The following GRIK4 variants were observed in gnomAD, a reference collection of about 807,000 sequenced individuals.
GRIK4 encodes glutamate ionotropic receptor kainate type subunit 4.
Under a neutral mutation model 104.9 loss-of-function variants are expected in GRIK4, and 40 were observed. The observed-to-expected ratio is 0.38, with a 90% CI of 0.30 to 0.50. The LOEUF is 0.50. Among genes scored for constraint, GRIK4 ranks in the 20% least tolerant of loss-of-function variants. The pLI, the probability that GRIK4 is intolerant of heterozygous loss-of-function variation, is 0.93. For synonymous variants in GRIK4, 485 were observed against 524.9 expected, an observed-to-expected ratio of 0.92 and a Z score of 1.04; for missense variants, 1,047 against 1,308.1, an observed-to-expected ratio of 0.80 and a Z score of 3.08.
At chr11:120,923,935 G>A (rs1416066071) in intron 13 of GRIK4, among the ~76,000 whole-genome samples, 1 of 152,166 alleles carries the variant, frequency 6.6e-6, no homozygotes, top group Non-Finnish European at 1.5e-5. Context: ...GGGCATCACT[G>A]TTGAATCTAG....
At chr11:120,962,773 C>T (rs1260980278) in intron 18 of GRIK4, 92 bp downstream of exon 18, 2 of 796,808 alleles carry the variant, frequency 2.5e-6, no homozygotes, top group Non-Finnish European at 4.2e-6. Flanking sequence ...AATCCAGTAC[C>T]CCCTGTTGTT....
chr11:120,933,138 G>T (rs574081646), intron 13 of GRIK4, among the ~76,000 whole-genome samples: 1 of 152,164 alleles, frequency 6.6e-6, no homozygotes. Context: ...ATAGACAGAC[G>T]GTCACACCAG....
intron 8 of GRIK4, among the ~76,000 whole-genome samples, chr11:120,841,946 A>C (rs987561416): frequency 3.9e-5 from 6 of 152,232 alleles, no homozygotes; most frequent in African/African-American, 1.4e-4. Flanking sequence ...GCTGATGAAT[A>C]AAAATCACAT....
At chr11:120,891,023 G>A (rs1449837921) in intron 11 of GRIK4, among the ~76,000 whole-genome samples, 1 of 152,212 alleles carries the variant, frequency 6.6e-6, no homozygotes, top group Admixed American at 6.5e-5. Context: ...GAAATCCCTC[G>A]AGGCTTTAAA....
At chr11:120,687,040 G>A (rs1433758968) in intron 3 of GRIK4, among the ~76,000 whole-genome samples, 1 of 152,192 alleles carries the variant, frequency 6.6e-6, no homozygotes, top group Non-Finnish European at 1.5e-5. Flanking sequence ...CAGAAGCACT[G>A]TTTTGAATTC....
Position 120,593,792 on chromosome 11 carries a change from C to T in GRIK4, c.-158-59893C>T, listed in dbSNP as rs148709659. Reference sequence around the variant, plus strand: ...AACCACTTTATTCCTCTTCCCAAATCTGTTTCTACCTCTTTCCCCATCTCA... The same window carrying T: ...AACCACTTTATTCCTCTTCCCAAATTTGTTTCTACCTCTTTCCCCATCTCA... On this transcript the variant is annotated intron_variant, in intron 1 of 20. Coordinates refer to ENST00000527524, the MANE Select transcript of GRIK4 (RefSeq NM_014619.5). 7.9e-5 allele frequency among the ~76,000 whole-genome samples: 12 copies of T among 152,272 alleles called. No individual in the cohort carries two copies. The East Asian group carries it at 2.3e-3, about 29-fold the overall frequency.
intron 3 of GRIK4, among the ~76,000 whole-genome samples, chr11:120,801,268 C>A (rs923981726): frequency 6.6e-6 from 1 of 152,200 alleles, no homozygotes; most frequent in Non-Finnish European, 1.5e-5. Flanking sequence ...CTCTGTCACC[C>A]AGGCTGGAGT....
At chr11:120,880,319 T>C (rs1489343893) in intron 11 of GRIK4, among the ~76,000 whole-genome samples, 4 of 152,232 alleles carry the variant, frequency 2.6e-5, no homozygotes, top group African/African-American at 9.6e-5. Flanking sequence ...TGATGTGCTG[T>C]GCTGAGTGGT....
intron 1 of GRIK4, among the ~76,000 whole-genome samples, chr11:120,626,617 C>T (rs1042357739): frequency 2.0e-5 from 3 of 152,120 alleles, no homozygotes; most frequent in Non-Finnish European, 2.9e-5. Context: ...CACCTTGATC[C>T]GTGCTTTCCC....
At chr11:120,804,125 G>A (rs1952671756) in intron 4 of GRIK4, among the ~76,000 whole-genome samples, 1 of 152,220 alleles carries the variant, frequency 6.6e-6, no homozygotes, top group Non-Finnish European at 1.5e-5. Context: ...CTCCAGTTCA[G>A]AGGGCAGGAG....
intron 16 of GRIK4, among the ~76,000 whole-genome samples, chr11:120,960,236 G>A (rs1437276026): frequency 6.6e-6 from 1 of 152,192 alleles, no homozygotes; most frequent in African/African-American, 2.4e-5. Context: ...GGCCGAGGCA[G>A]GAGAATCACT....
chr11:120,847,230 A>T (rs1953872087), intron 8 of GRIK4, among the ~76,000 whole-genome samples: 1 of 152,180 alleles, frequency 6.6e-6, no homozygotes, highest in Non-Finnish European at 1.5e-5. Flanking sequence ...TAGAGAGAGG[A>T]GGTCTCCTCA....
At chr11:120,680,082 C>T (rs1368799780) in intron 3 of GRIK4, among the ~76,000 whole-genome samples, 3 of 152,066 alleles carry the variant, frequency 2.0e-5, no homozygotes, top group Non-Finnish European at 4.4e-5. Context: ...TCTCTGATGG[C>T]CCTTTCTTTT....
chr11:120,824,240 A>G (rs144070978), intron 6 of GRIK4, among the ~76,000 whole-genome samples: 59 of 152,350 alleles, frequency 3.9e-4, no homozygotes, highest in African/African-American at 1.2e-3. Context: ...TTAATGGGAA[A>G]AAAAGAACAT....
At chr11:120,688,897 G>C (rs561895145) in intron 3 of GRIK4, among the ~76,000 whole-genome samples, 2 of 152,260 alleles carry the variant, frequency 1.3e-5, no homozygotes, top group African/African-American at 4.8e-5. Context: ...TGTGCAGAGA[G>C]CATTGTATGG....
At position 120,810,797 on chromosome 11, in the gene GRIK4, A is replaced by G. The variant is rs560378128; in HGVS notation, c.248-4581A>G. Among the ~76,000 whole-genome samples the G allele has an allele frequency of 3.3e-5, 5 of 152,330 alleles. No homozygotes were observed. The South Asian group carries it at 8.3e-4, about 25-fold the overall frequency. On this transcript the variant is annotated intron_variant, in intron 4 of 20. Coordinates refer to ENST00000527524, the MANE Select transcript of GRIK4 (RefSeq NM_014619.5). ...AGCCTAATTACTACCATAATCTTGA[A>G]GTAATAATGAATATAACTGGTATTT...
intron 3 of GRIK4, among the ~76,000 whole-genome samples, chr11:120,759,022 A>C (rs1951699174): frequency 6.6e-6 from 1 of 152,182 alleles, no homozygotes; most frequent in Non-Finnish European, 1.5e-5. Flanking sequence ...GTGTTACAAA[A>C]GAGAGAGTCA....
At chr11:120,954,812 CACACACACACACACACACAA>C (rs1485127047) in intron 15 of GRIK4, among the ~76,000 whole-genome samples, 74 of 76,872 alleles carry the variant, frequency 9.6e-4, no homozygotes, top group South Asian at 2.7e-3. Flanking sequence ...CACACACACA[CACACACACACACACACACAA>C]ACAATACTGG....
chr11:120,753,876 G>A lies in GRIK4; in HGVS notation c.83-48817G>A, dbSNP rs530426039. On this transcript the variant is annotated intron_variant, in intron 3 of 20. Coordinates refer to ENST00000527524, the MANE Select transcript of GRIK4 (RefSeq NM_014619.5). ...TTAATGTATTTTAATGTATTTAACCGTTAGGCAAGCTTCATCACAATCACT... is the reference window on the plus strand; with the variant it reads ...TTAATGTATTTTAATGTATTTAACCATTAGGCAAGCTTCATCACAATCACT... 2.8e-4 allele frequency among the ~76,000 whole-genome samples: 42 copies of A among 152,194 alleles called. No individual in the cohort carries two copies. The Middle Eastern group carries it at 0.014, about 49-fold the overall frequency.
Sources: gnomAD v4.1 joint callset for allele counts (sites outside exome capture counted in the v4.1 genomes callset) on GRCh38, gnomAD v4.1.1 for gene constraint, MANE v1.5 for transcripts, NCBI Gene and HGNC (gene_info 2026-07-23, HGNC 2026-07-21) for gene names.